FHIT: variants seen among roughly 807,000 people sequenced by gnomAD.
The protein encoded by FHIT is bis(5'-adenosyl)-triphosphatase.
FHIT carries 19 observed loss-of-function variants against 17.9 expected under a neutral mutation model. The observed-to-expected ratio is 1.06, with a 90% CI of 0.74 to 1.56. FHIT has a LOEUF of 1.56. FHIT is among the 40% of genes most tolerant of loss of function. The probability of loss-of-function intolerance (pLI) is 0.00; values close to 1 mark genes in which losing one functional copy is unlikely to be tolerated. For missense variants in FHIT, 248 were observed against 189.2 expected (o/e 1.31, Z -1.82); for synonymous variants, 81 against 69.7 (o/e 1.16, Z -0.81).
chr3:59,856,871 AT>A (rs61261831), intron 8 of FHIT, among the ~76,000 whole-genome samples: 71,995 of 148,030 alleles, frequency 0.49, 18,160 homozygotes, highest in African/African-American at 0.66. Context: ...CCGGCTGAGT[AT>A]TTTTTTTTTT....
chr3:60,377,464 C>CTTTTT (rs1196507429), intron 5 of FHIT, among the ~76,000 whole-genome samples: 1 of 49,688 alleles, frequency 2.0e-5, no homozygotes, highest in Non-Finnish European at 3.5e-5. Context: ...GCCAAGAATT[C>CTTTTT]TTTTTTTTTT....
At chr3:60,665,975 C>T (rs1553692363) in intron 4 of FHIT, among the ~76,000 whole-genome samples, 1 of 152,070 alleles carries the variant, frequency 6.6e-6, no homozygotes, top group Non-Finnish European at 1.5e-5. Context: ...AGTACTAAAA[C>T]CTAATATGTG....
intron 5 of FHIT, among the ~76,000 whole-genome samples, chr3:60,481,434 G>C (rs939496768): frequency 2.6e-5 from 4 of 152,128 alleles, no homozygotes; most frequent in African/African-American, 9.7e-5. Context: ...AGAAAGGCCA[G>C]GTCACCAACA....
intron 8 of FHIT, among the ~76,000 whole-genome samples, chr3:59,862,550 G>C (rs1702454025): frequency 6.6e-6 from 1 of 152,180 alleles, no homozygotes; most frequent in South Asian, 2.1e-4. Flanking sequence ...GTTTGTAGAA[G>C]AGCAGACACA....
At chr3:60,468,943 A>G (rs192826939) in intron 5 of FHIT, among the ~76,000 whole-genome samples, 1 of 150,524 alleles carries the variant, frequency 6.6e-6, no homozygotes, top group Non-Finnish European at 1.5e-5. Flanking sequence ...TGGATATACT[A>G]TTGTAGGTTA....
intron 8 of FHIT, among the ~76,000 whole-genome samples, chr3:59,915,339 G>A (rs1404331605): frequency 2.0e-5 from 3 of 152,158 alleles, no homozygotes; most frequent in Non-Finnish European, 4.4e-5. Flanking sequence ...AGAGTGACAC[G>A]TGATTAAATT....
In FHIT at chr3:60,723,198, G is replaced by C. The variant is rs566256702; in HGVS notation, c.-18+98721C>G. Among the ~76,000 whole-genome samples the C allele has an allele frequency of 2.4e-4, 36 of 152,236 alleles. No individual in the cohort carries two copies. In the South Asian group the frequency reaches 6.4e-3, roughly 27 times the overall value. ...CTCCTAACACCTTTTGCACATATAG[G>C]CTTGTTGCATATAATACAGAAATTT... On this transcript the variant is annotated intron_variant, in intron 4 of 9. Coordinates refer to ENST00000492590, the MANE Select transcript of FHIT (RefSeq NM_002012.4).
chr3:60,936,079 C>T (rs1241362231), intron 3 of FHIT, among the ~76,000 whole-genome samples: 1 of 152,192 alleles, frequency 6.6e-6, no homozygotes, highest in Non-Finnish European at 1.5e-5. Flanking sequence ...GTCAGTCAAT[C>T]ACTCACCTCC....
intron 3 of FHIT, among the ~76,000 whole-genome samples, chr3:60,959,808 T>TC (rs200588361): frequency 6.6e-6 from 1 of 151,296 alleles, no homozygotes; most frequent in Non-Finnish European, 1.5e-5. Flanking sequence ...TTTCTTTTTT[T>TC]TTTTTTTTTT....
chr3:61,195,386 T>A (rs1272591949), intron 2 of FHIT, among the ~76,000 whole-genome samples: 1 of 152,196 alleles, frequency 6.6e-6, no homozygotes, highest in Non-Finnish European at 1.5e-5. Context: ...CCAGGATTTC[T>A]AGTCAATTAC....
chr3:60,631,239 G>C (rs782198703), intron 4 of FHIT, among the ~76,000 whole-genome samples: 2 of 152,160 alleles, frequency 1.3e-5, no homozygotes, highest in Non-Finnish European at 2.9e-5. Context: ...CAGCTGTGAA[G>C]AGGTATAATA....
In FHIT at chr3:60,507,224, A is replaced by T. The variant is rs1576780809; in HGVS notation, c.103+29636T>A. Among the ~76,000 whole-genome samples the T allele has an allele frequency of 2.6e-5, 4 of 152,190 alleles. No individual in the cohort carries two copies. In the East Asian group the frequency reaches 5.8e-4, roughly 22 times the overall value. On this transcript the variant is annotated intron_variant, in intron 5 of 9. Coordinates refer to ENST00000492590, the MANE Select transcript of FHIT (RefSeq NM_002012.4). Reference sequence around the variant, plus strand: ...TAGAATGAACAGGAGTTAGCAAGGTAAAAAGACAATGCAAAAACATTCCAG... The same window carrying T: ...TAGAATGAACAGGAGTTAGCAAGGTTAAAAGACAATGCAAAAACATTCCAG...
At chr3:60,025,537 C>T (rs1700708676) in intron 5 of FHIT, among the ~76,000 whole-genome samples, 1 of 152,046 alleles carries the variant, frequency 6.6e-6, no homozygotes, top group African/African-American at 2.4e-5. Context: ...AAGCATGAAG[C>T]CTCCATAAAA....
intron 3 of FHIT, among the ~76,000 whole-genome samples, chr3:60,842,637 A>ATTT (rs1702770703): frequency 8.3e-5 from 3 of 36,250 alleles, no homozygotes; most frequent in South Asian, 1.8e-3. Flanking sequence ...GTGTATATAT[A>ATTT]TATATATATT....
At chr3:60,694,351 A>G (rs960407500) in intron 4 of FHIT, among the ~76,000 whole-genome samples, 6 of 152,214 alleles carry the variant, frequency 3.9e-5, no homozygotes, top group African/African-American at 1.4e-4. Flanking sequence ...ATGCAAATTA[A>G]AACCACAATG....
Position 59,848,097 on chromosome 3 carries a change from A to C in FHIT, c.348+74249T>G, listed in dbSNP as rs1444381878. On this transcript the variant is annotated intron_variant, in intron 8 of 9. Coordinates refer to ENST00000492590, the MANE Select transcript of FHIT (RefSeq NM_002012.4). ...TCAGAATACAGATCCCAATATTTGC[A>C]GGATAGAGTCCTTTTTGCCCACCGT... 1.4e-4 allele frequency among the ~76,000 whole-genome samples: 21 copies of C among 152,176 alleles called. 2 individuals are homozygous for C. The highest frequency in any genetic ancestry group is 1.4e-3 in the Admixed American group (21 of 15,280).
chr3:61,110,622 C>T (rs1044566480), intron 2 of FHIT, among the ~76,000 whole-genome samples: 2 of 152,122 alleles, frequency 1.3e-5, no homozygotes, highest in Non-Finnish European at 2.9e-5. Flanking sequence ...ACTCATTCTT[C>T]TGCCTAGAAT....
chr3:61,145,049 T>A (rs1188035055), intron 2 of FHIT, among the ~76,000 whole-genome samples: 2 of 152,150 alleles, frequency 1.3e-5, no homozygotes. Context: ...TTTAACAAAG[T>A]CTAAATTATC....
chr3:59,951,761 T>C (rs1340487843), intron 7 of FHIT, among the ~76,000 whole-genome samples: 5 of 152,152 alleles, frequency 3.3e-5, no homozygotes, highest in African/African-American at 1.2e-4. Flanking sequence ...AGCCTCTTCA[T>C]TGAGATGTCC....
Sources: gnomAD v4.1 joint callset for allele counts (sites outside exome capture counted in the v4.1 genomes callset) on GRCh38, gnomAD v4.1.1 for gene constraint, MANE v1.5 for transcripts, NCBI Gene and HGNC (gene_info 2026-07-23, HGNC 2026-07-21) for gene names.